ZNF438: variants seen among roughly 807,000 people sequenced by gnomAD.
The protein encoded by ZNF438 is zinc finger protein 438.
A neutral mutation model predicts 38.0 loss-of-function variants in ZNF438; 25 were observed. The ratio of observed to expected loss-of-function variants is 0.66; its 90% CI spans 0.48 to 0.92. ZNF438 has a LOEUF of 0.92. Among genes scored for constraint, ZNF438 ranks in the 40% least tolerant of loss-of-function variants. The pLI, the probability that ZNF438 is intolerant of heterozygous loss-of-function variation, is 0.00. For synonymous variants in ZNF438, 372 were observed against 364.1 expected, an observed-to-expected ratio of 1.02 and a Z score of -0.25; for missense variants, 1,007 against 999.6, an observed-to-expected ratio of 1.01 and a Z score of -0.10.
At chr10:30,873,767 A>T (rs2037872458) in intron 4 of ZNF438, among the ~76,000 whole-genome samples, 1 of 152,296 alleles carries the variant, frequency 6.6e-6, no homozygotes, top group South Asian at 2.1e-4. Flanking sequence ...CGTATGAATT[A>T]CCTTGGTGAT....
chr10:30,977,479 G>A (rs1031689296), intron 1 of ZNF438, among the ~76,000 whole-genome samples: 2 of 152,172 alleles, frequency 1.3e-5, no homozygotes, highest in Non-Finnish European at 2.9e-5. Context: ...GATGGCTACT[G>A]TAACTGGTGT....
chr10:30,947,806 C>G (rs1225776780), intron 1 of ZNF438, among the ~76,000 whole-genome samples: 1 of 152,212 alleles, frequency 6.6e-6, no homozygotes, highest in Non-Finnish European at 1.5e-5. Context: ...CATCTGTCAC[C>G]CCTTTCTTTG....
intron 5 of ZNF438, among the ~76,000 whole-genome samples, chr10:30,846,890 T>A (rs1002488416): frequency 1.3e-5 from 2 of 152,218 alleles, no homozygotes; most frequent in African/African-American, 4.8e-5. Flanking sequence ...AAAGCAAGGC[T>A]GGGGCTGAGC....
Position 30,998,412 on chromosome 10 carries a change from G to A in ZNF438, c.-192+33421C>T, listed in dbSNP as rs551240575. On this transcript the variant is annotated intron_variant, in intron 1 of 5. Transcript: ENST00000413025. ...CAAAAAATTAGCCGGGCATGGTGGC[G>A]GGCCCCTGTAGTCCCAGCTACTCAG... 7.3e-5 allele frequency among the ~76,000 whole-genome samples: 11 copies of A among 151,162 alleles called. No homozygotes were observed. The South Asian group carries it at 8.4e-4, about 11-fold the overall frequency.
At chr10:30,966,153 G>A (rs927242475) in intron 1 of ZNF438, among the ~76,000 whole-genome samples, 6 of 151,962 alleles carry the variant, frequency 3.9e-5, no homozygotes, top group South Asian at 2.1e-4. Context: ...GCAATATAGC[G>A]AGACCCTGTC....
intron 1 of ZNF438, among the ~76,000 whole-genome samples, chr10:30,983,178 A>G (rs1328702794): frequency 6.6e-6 from 1 of 152,270 alleles, no homozygotes; most frequent in East Asian, 1.9e-4. Flanking sequence ...GGCTTAAAGT[A>G]TCAAAGAGAA....
chr10:30,928,177 A>G (rs2045189700), intron 2 of ZNF438, among the ~76,000 whole-genome samples: 1 of 152,230 alleles, frequency 6.6e-6, no homozygotes, highest in South Asian at 2.1e-4. Context: ...ATATTTACAC[A>G]CTAGAATTTA....
chr10:30,938,970 A>G (rs945814521), intron 2 of ZNF438, among the ~76,000 whole-genome samples: 2 of 151,766 alleles, frequency 1.3e-5, no homozygotes, highest in Non-Finnish European at 2.9e-5. Context: ...AATTTTTTGT[A>G]TTTTTAGTAG....
chr10:30,874,160 A>ATG (rs2038042857), intron 4 of ZNF438, among the ~76,000 whole-genome samples: 2 of 108,800 alleles, frequency 1.8e-5, no homozygotes, highest in African/African-American at 7.7e-5. Context: ...ATATATATAT[A>ATG]TATTTAGAGA....
At chr10:30,941,836 C>T (rs1453611669) in intron 1 of ZNF438, among the ~76,000 whole-genome samples, 185 bp from the exon 3 acceptor site, 2 of 152,170 alleles carry the variant, frequency 1.3e-5, no homozygotes, top group Non-Finnish European at 2.9e-5. Flanking sequence ...TGCTCAAAGA[C>T]TTCTAAAATA....
At chr10:30,850,084 C>T (rs1417432891) in exon 5 of ZNF438, 1 of 1,614,076 alleles carries the variant, frequency 6.2e-7, no homozygotes, top group Admixed American at 1.7e-5. Flanking sequence ...TTCTGGGTTT[C>T]TGAATTGGCT....
At chr10:30,849,985 G>A (rs756889020) in exon 5 of ZNF438, 1 of 1,614,158 alleles carries the variant, frequency 6.2e-7, no homozygotes, top group South Asian at 1.1e-5. Flanking sequence ...TCTTAGGAAA[G>A]ATCAGGATGG....
chr10:30,926,448 A>G (rs1170916204), intron 2 of ZNF438, among the ~76,000 whole-genome samples: 1 of 152,190 alleles, frequency 6.6e-6, no homozygotes, highest in Non-Finnish European at 1.5e-5. Context: ...CGAGTGGATC[A>G]CAAAGTCAGG....
At chr10:30,983,721 ATTTT>A (rs534724737) in intron 1 of ZNF438, among the ~76,000 whole-genome samples, 1 of 151,978 alleles carries the variant, frequency 6.6e-6, no homozygotes, top group African/African-American at 2.4e-5. Flanking sequence ...TTTTCAAATT[ATTTT>A]TTTTATTTTT....
chr10:30,978,415 C>T (rs1208362499), intron 1 of ZNF438, among the ~76,000 whole-genome samples: 1 of 152,132 alleles, frequency 6.6e-6, no homozygotes, highest in Non-Finnish European at 1.5e-5. Context: ...GCTAGTAAAA[C>T]AACTTTCAAA....
intron 3 of ZNF438, among the ~76,000 whole-genome samples, chr10:30,898,199 A>G (rs560513287): frequency 6.6e-6 from 1 of 152,184 alleles, no homozygotes; most frequent in Admixed American, 6.5e-5. Context: ...ATGACTTTCT[A>G]TGTATACTTT....
chr10:30,864,861 A>G (rs1335578951), intron 4 of ZNF438, among the ~76,000 whole-genome samples: 1 of 152,192 alleles, frequency 6.6e-6, no homozygotes, highest in Non-Finnish European at 1.5e-5. Flanking sequence ...TGAACAACTA[A>G]AATGCCCCTC....
At chr10:30,991,488 C>A (rs1424782449) in intron 1 of ZNF438, among the ~76,000 whole-genome samples, 2 of 152,178 alleles carry the variant, frequency 1.3e-5, no homozygotes. Flanking sequence ...GTGGCTAATG[C>A]CCATGCTCCC....
chr10:30,911,805 T>C (rs2043108053), intron 2 of ZNF438, among the ~76,000 whole-genome samples: 1 of 152,100 alleles, frequency 6.6e-6, no homozygotes, highest in African/African-American at 2.4e-5. Context: ...ACAGAAGTTA[T>C]CTGATGGAAA....
Sources: gnomAD v4.1 joint callset for allele counts (sites outside exome capture counted in the v4.1 genomes callset) on GRCh38, gnomAD v4.1.1 for gene constraint, MANE v1.5 for transcripts, NCBI Gene and HGNC (gene_info 2026-07-23, HGNC 2026-07-21) for gene names.